The following ADGRL3 variants were observed in gnomAD, a reference collection of about 807,000 sequenced individuals.
ADGRL3 encodes calcium-independent alpha-latrotoxin receptor 3.
ADGRL3 carries 62 observed loss-of-function variants against 153.5 expected under a neutral mutation model. The observed-to-expected ratio is 0.40, with a 90% CI of 0.33 to 0.50. ADGRL3 has a LOEUF of 0.50. ADGRL3 is among the 20% of genes least tolerant of loss of function. The pLI is 0.47. For synonymous variants in ADGRL3, 710 were observed against 672.5 expected, an observed-to-expected ratio of 1.06 and a Z score of -0.86; for missense variants, 1,641 against 1,859.4, an observed-to-expected ratio of 0.88 and a Z score of 2.16.
intron 1 of ADGRL3, among the ~76,000 whole-genome samples, chr4:61,349,058 C>T (rs1448782184): frequency 6.6e-6 from 1 of 152,040 alleles, no homozygotes; most frequent in African/African-American, 2.4e-5. Flanking sequence ...TTTAATTTAA[C>T]TGCCTTGAAA....
chr4:61,417,406 T>G (rs1379165), intron 2 of ADGRL3, among the ~76,000 whole-genome samples: 43,269 of 151,758 alleles, frequency 0.29, 6,356 homozygotes, highest in Middle Eastern at 0.37. Flanking sequence ...GGATCACTCT[T>G]GAACCCAGGA....
intron 2 of ADGRL3, among the ~76,000 whole-genome samples, chr4:61,476,010 G>C (rs949222716): frequency 6.6e-6 from 1 of 152,050 alleles, no homozygotes; most frequent in Non-Finnish European, 1.5e-5. Context: ...TGGCTCATGG[G>C]CATTTCTTTG....
At chr4:61,541,623 T>C (rs2148641880) in intron 4 of ADGRL3, among the ~76,000 whole-genome samples, 1 of 152,176 alleles carries the variant, frequency 6.6e-6, no homozygotes, top group South Asian at 2.1e-4. Context: ...AAGGTAGAAA[T>C]AGGAGCTCTA....
At chr4:61,970,736 C>T (rs1448642316) in intron 17 of ADGRL3, among the ~76,000 whole-genome samples, 5 of 152,014 alleles carry the variant, frequency 3.3e-5, no homozygotes, top group Non-Finnish European at 7.4e-5. Context: ...AGTTAATTTG[C>T]CCTAAAAAGA....
At chr4:61,805,840 A>G (rs1418970901) in intron 8 of ADGRL3, among the ~76,000 whole-genome samples, 1 of 152,156 alleles carries the variant, frequency 6.6e-6, no homozygotes, top group East Asian at 1.9e-4. Context: ...TATATCCTTC[A>G]TTTGTTAGAG....
intron 13 of ADGRL3, 102 bp downstream of exon 13, chr4:61,912,859 A>G: frequency 9.0e-7 from 1 of 1,115,890 alleles, no homozygotes; most frequent in Non-Finnish European, 1.3e-6. Context: ...CCTTACTGAA[A>G]TAAAGGAATT....
chr4:61,502,681 A>T (rs974027007), intron 3 of ADGRL3, among the ~76,000 whole-genome samples: 3 of 152,164 alleles, frequency 2.0e-5, no homozygotes, highest in Non-Finnish European at 2.9e-5. Context: ...CTCTGTTTAC[A>T]ATTAAAATAC....
intron 6 of ADGRL3, among the ~76,000 whole-genome samples, chr4:61,692,112 A>T (rs1178925079): frequency 3.9e-5 from 6 of 152,178 alleles, no homozygotes; most frequent in Non-Finnish European, 5.9e-5. Context: ...ACAAAATTAA[A>T]AGCTTCTTCC....
intron 9 of ADGRL3, among the ~76,000 whole-genome samples, chr4:61,852,770 T>C (rs1398664595): frequency 6.6e-6 from 1 of 152,136 alleles, no homozygotes; most frequent in Non-Finnish European, 1.5e-5. Context: ...AATTACTGAG[T>C]AGGTATTTCT....
chr4:61,741,047 C>G (rs2096575176), intron 8 of ADGRL3, among the ~76,000 whole-genome samples: 1 of 152,192 alleles, frequency 6.6e-6, no homozygotes, highest in Non-Finnish European at 1.5e-5. Flanking sequence ...ACTTTAAACA[C>G]ACATGACACC....
chr4:61,384,456 A>G (rs2096711693), intron 2 of ADGRL3, among the ~76,000 whole-genome samples: 1 of 150,782 alleles, frequency 6.6e-6, no homozygotes, highest in African/African-American at 2.4e-5. Context: ...CTATATTACT[A>G]TGTGTAATAG....
At chr4:61,675,562 C>T (rs909234351) in intron 5 of ADGRL3, among the ~76,000 whole-genome samples, 1 of 150,234 alleles carries the variant, frequency 6.7e-6, no homozygotes, top group African/African-American at 2.4e-5. Context: ...ATGAATTAAT[C>T]AATTCAGATT....
intron 24 of ADGRL3, among the ~76,000 whole-genome samples, chr4:62,042,306 G>A (rs1432788255): frequency 6.6e-6 from 1 of 151,860 alleles, no homozygotes; most frequent in South Asian, 2.1e-4. Context: ...GGTATTATAG[G>A]AGATGTTAGT....
intron 1 of ADGRL3, among the ~76,000 whole-genome samples, chr4:61,355,089 C>T (rs2096137346): frequency 6.6e-6 from 1 of 151,996 alleles, no homozygotes; most frequent in Admixed American, 6.6e-5. Context: ...ATTCTAAGGC[C>T]AGTTCCTTAA....
At chr4:61,601,038 A>G (rs960997721) in intron 5 of ADGRL3, among the ~76,000 whole-genome samples, 6 of 152,162 alleles carry the variant, frequency 3.9e-5, no homozygotes, top group Admixed American at 3.3e-4. Context: ...TAAGGATTCC[A>G]GGACATCAAT....
At chr4:61,616,187 G>T (rs558449805) in intron 5 of ADGRL3, among the ~76,000 whole-genome samples, 1 of 152,052 alleles carries the variant, frequency 6.6e-6, no homozygotes, top group Admixed American at 6.6e-5. Context: ...GATAAAAATG[G>T]TAGTTATATA....
At chr4:61,435,115 T>C (rs2152435870) in intron 2 of ADGRL3, among the ~76,000 whole-genome samples, 1 of 152,218 alleles carries the variant, frequency 6.6e-6, no homozygotes, top group East Asian at 1.9e-4. Context: ...ATGCTGTGTG[T>C]TTTGAAAATA....
chr4:62,026,556 A>T (rs1490820990), intron 21 of ADGRL3, among the ~76,000 whole-genome samples: 1 of 152,156 alleles, frequency 6.6e-6, no homozygotes, highest in African/African-American at 2.4e-5. Flanking sequence ...TCATATTAAA[A>T]ATAAAAAATA....
At chr4:61,860,006 T>A (rs982911558) in intron 9 of ADGRL3, among the ~76,000 whole-genome samples, 16 of 152,152 alleles carry the variant, frequency 1.1e-4, no homozygotes, top group African/African-American at 3.4e-4. Context: ...TTTCTCAAAA[T>A]AAAAATCCTT....
Sources: allele counts gnomAD v4.1 joint callset (sites outside exome capture counted in the v4.1 genomes callset), GRCh38; gene constraint gnomAD v4.1.1; transcripts MANE v1.5; gene names NCBI Gene and HGNC (gene_info 2026-07-23, HGNC 2026-07-21).